LEO1: variants seen among roughly 807,000 people sequenced by gnomAD.
The protein encoded by LEO1 is LEO1 component of Paf1/RNA polymerase II complex.
A neutral mutation model predicts 80.4 loss-of-function variants in LEO1; 34 were observed. The observed-to-expected ratio is 0.42, with a 90% confidence interval of 0.32 to 0.56. LEO1 has a LOEUF of 0.56. Ranked by LOEUF, LEO1 falls within the 20% of genes least tolerant of loss-of-function variation. The pLI is 0.10. For missense variants in LEO1, 631 were observed against 814.2 expected (o/e 0.77, Z 2.74); for synonymous variants, 262 against 274.9 (o/e 0.95, Z 0.46).
chr15:51,944,731 T>C (rs533853320), intron 11 of LEO1, among the ~76,000 whole-genome samples: 1 of 150,106 alleles, frequency 6.7e-6, no homozygotes, highest in African/African-American at 2.5e-5. Context: ...ATAGTAATGA[T>C]ATCTTCATAA....
chr15:51,938,094 C>T lies in LEO1; in HGVS notation c.*62G>A. ...AATCGATTCATTTCAATCAAAATAA[C>T]TCATGTTTACATATTTATAACTGTA... On this transcript the variant is annotated 3_prime_UTR_variant, in exon 12 of 12. Transcript: ENST00000299601. The T allele has an allele frequency of 1.3e-6, 1 of 778,292 alleles. No individual in the cohort carries two copies. Among genetic ancestry groups the T allele is most frequent in the Non-Finnish European group, 2.0e-6 (1 of 489,232 alleles). 48.2% of individuals were successfully genotyped at this position (778,292 alleles called of 1,614,324 possible). A position where few individuals can be genotyped will look rare whatever the true frequency, so the allele number is the denominator to read the frequency against.
At chr15:51,957,031 G>A (rs1174356387) in intron 6 of LEO1, among the ~76,000 whole-genome samples, 3 of 151,958 alleles carry the variant, frequency 2.0e-5, no homozygotes, top group Admixed American at 6.6e-5. Context: ...GTCTTGCTCT[G>A]TTGCTCAGGC....
intron 11 of LEO1, 62 bp downstream of exon 11, chr15:51,947,230 T>C: frequency 9.3e-7 from 1 of 1,078,332 alleles, no homozygotes; most frequent in East Asian, 2.4e-5. Context: ...GAGCTCTTCA[T>C]TCAAAGCAGT....
At chr15:51,938,403 T>TCAGCAA in intron 11 of LEO1, 143 bp from the exon 12 acceptor site, 1 of 601,302 alleles carries the variant, frequency 1.7e-6, no homozygotes, top group South Asian at 2.1e-5. Context: ...TTGTGAGGTG[T>TCAGCAA]CAGCAACTGT....
Position 51,970,601 on chromosome 15 carries a change from C to G in LEO1, c.58+1087G>C, listed in dbSNP as rs1228202263. On this transcript the variant is annotated intron_variant, in intron 1 of 11. Coordinates refer to ENST00000299601, the MANE Select transcript of LEO1 (RefSeq NM_138792.4). ...GTAAAAGAAACCAGACACAAAAGAC[C>G]ACAATGCATGATTCAATTTATATGA... is the stretch of plus-strand genomic sequence containing the variant. 3.9e-5 allele frequency among the ~76,000 whole-genome samples: 6 copies of G among 152,130 alleles called. No homozygotes were observed. In the East Asian group the frequency reaches 9.6e-4, roughly 24 times the overall value.
intron 1 of LEO1, among the ~76,000 whole-genome samples, chr15:51,970,545 G>A (rs916486712): frequency 6.6e-6 from 1 of 152,198 alleles, no homozygotes; most frequent in African/African-American, 2.4e-5. Flanking sequence ...GTACTGATAT[G>A]TGCTACAATG....
chr15:51,961,550 G>A (rs866115708), intron 3 of LEO1, among the ~76,000 whole-genome samples: 6 of 151,738 alleles, frequency 4.0e-5, no homozygotes, highest in African/African-American at 1.2e-4. Flanking sequence ...ACACCACCTC[G>A]CCCCGCTAAT....
intron 9 of LEO1, 92 bp downstream of exon 9, chr15:51,951,752 G>T: frequency 1.8e-6 from 2 of 1,107,766 alleles, no homozygotes. Flanking sequence ...GGAAAAGGTA[G>T]GCCAATAAGA....
chr15:51,942,654 G>C (rs1205789484), intron 11 of LEO1, among the ~76,000 whole-genome samples: 1 of 151,740 alleles, frequency 6.6e-6, no homozygotes, highest in African/African-American at 2.4e-5. Context: ...AGGTGCGGTG[G>C]CTCATGCCTG....
chr15:51,955,086 A>G (rs1220676627), intron 6 of LEO1: 2 of 152,120 alleles, frequency 1.3e-5, no homozygotes, highest in Non-Finnish European at 2.9e-5. Flanking sequence ...ACAGGCGCCC[A>G]CCTCCAAGCC....
At chr15:51,960,563 C>A in intron 4 of LEO1, 76 bp downstream of exon 4, 3 of 803,824 alleles carry the variant, frequency 3.7e-6, no homozygotes, top group Non-Finnish European at 6.4e-6. Context: ...ACTTCCTTTC[C>A]TGGAATAAGG....
At chr15:51,941,034 C>T (rs547209057) in intron 11 of LEO1, among the ~76,000 whole-genome samples, 1 of 152,022 alleles carries the variant, frequency 6.6e-6, no homozygotes, top group Admixed American at 6.6e-5. Context: ...GATCGCGGCG[C>T]TGCACTCCAG....
rs775989164 is a variant in LEO1 at position 51,966,453 on chromosome 15, C to T, written c.110G>A (p.Gly37Asp). The T allele has an allele frequency of 6.8e-6, 11 of 1,613,224 alleles. 1 individual carries two copies. The South Asian group carries it at 1.1e-4, about 16-fold the overall frequency. Residue 37 changes from glycine (G) to aspartate (D), a missense_variant, in exon 2 of 12, where the codon GGC (glycine) becomes GAC (aspartate). Coordinates refer to ENST00000299601, the MANE Select transcript of LEO1 (RefSeq NM_138792.4). ...SDSDQENAASGSNASGSESDQ... is the reference protein window; with the variant it reads ...SDSDQENAASDSNASGSESDQ... ...ACTTTCACTTCCAGAGGCATTACTG[C>T]CAGAGGCAGCATTCTCTTGATCAGA...
chr15:51,940,836 G>T (rs887579099), intron 11 of LEO1, among the ~76,000 whole-genome samples: 1 of 151,930 alleles, frequency 6.6e-6, no homozygotes, highest in Non-Finnish European at 1.5e-5. Context: ...GGTGGCTCGT[G>T]CCTATAATCC....
At chr15:51,965,446 C>T (rs2057066888) in intron 2 of LEO1, among the ~76,000 whole-genome samples, 1 of 152,188 alleles carries the variant, frequency 6.6e-6, no homozygotes, top group Admixed American at 6.5e-5. Flanking sequence ...ATGGAATCAA[C>T]TTAACTCATT....
intron 7 of LEO1, 130 bp downstream of exon 7, chr15:51,954,351 C>T (rs552607173): frequency 3.2e-6 from 2 of 633,648 alleles, no homozygotes; most frequent in African/African-American, 1.8e-5. Context: ...CATTACACTC[C>T]AACATGGGCA....
intron 1 of LEO1, among the ~76,000 whole-genome samples, chr15:51,969,576 A>C (rs540259937): frequency 6.7e-6 from 1 of 148,800 alleles, no homozygotes; most frequent in African/African-American, 2.5e-5. Flanking sequence ...CAAAGGCAGG[A>C]GAATCGCTTG....
In LEO1 at chr15:51,966,506, T is replaced by C. The variant is rs754785486; in HGVS notation, c.59-2A>G. On this transcript the variant is annotated splice_acceptor_variant, in intron 1 of 11. Transcript: ENST00000299601. LOFTEE classifies it high-confidence loss of function. The stretch of plus-strand genomic sequence containing the variant: ...CTGAGTCAGATCCAGAATCAGAATC[T>C]ATGGGGTCATATAAACATAGGATAA... The C allele has an allele frequency of 1.3e-6, 2 of 1,524,290 alleles. No homozygotes were observed. The highest frequency in any genetic ancestry group is 9.1e-7 in the Non-Finnish European group (1 of 1,104,836). The allele number at this position is 1,524,290 out of a possible 1,614,324, so 94.4% of individuals were successfully genotyped here.
intron 6 of LEO1, among the ~76,000 whole-genome samples, chr15:51,956,291 G>C (rs2056988411): frequency 6.6e-6 from 1 of 152,012 alleles, no homozygotes; most frequent in Non-Finnish European, 1.5e-5. Context: ...ATGGTGGCAT[G>C]TGCCTGTAAT....
Sources: allele counts gnomAD v4.1 joint callset (sites outside exome capture counted in the v4.1 genomes callset), GRCh38; gene constraint gnomAD v4.1.1; transcripts MANE v1.5; gene names NCBI Gene and HGNC (gene_info 2026-07-23, HGNC 2026-07-21).